The following N4BP1 variants were observed in gnomAD, a reference collection of about 807,000 sequenced individuals.
N4BP1 encodes the protein NEDD4-binding protein 1.
A neutral mutation model predicts 70.9 loss-of-function variants in N4BP1; 21 were observed. That is an observed-to-expected ratio of 0.30 (90% confidence interval 0.21 to 0.43). The LOEUF (loss-of-function observed/expected upper bound fraction) is 0.43, where lower values mean the gene tolerates loss of function less well. Ranked by LOEUF, N4BP1 falls within the 20% of genes least tolerant of loss-of-function variation. The probability of loss-of-function intolerance (pLI) is 1.00; values close to 1 mark genes in which losing one functional copy is unlikely to be tolerated. For missense variants in N4BP1, 936 were observed against 1,069.4 expected (o/e 0.88, Z 1.74); for synonymous variants, 387 against 394.6 (o/e 0.98, Z 0.23).
chr16:48,603,236 T>A (rs1039337728), intron 1 of N4BP1, among the ~76,000 whole-genome samples: 4 of 152,204 alleles, frequency 2.6e-5, no homozygotes, highest in African/African-American at 9.7e-5. Flanking sequence ...AAAAATGGAC[T>A]GGGTGGTAGC....
At chr16:48,603,778 T>C (rs182458296) in intron 1 of N4BP1, 23 of 152,256 alleles carry the variant, frequency 1.5e-4, no homozygotes, top group African/African-American at 5.1e-4. Flanking sequence ...AATACTTAAC[T>C]TCCCTGTGTA....
chr16:48,564,603 CCT>C (rs1259552450), intron 1 of N4BP1, among the ~76,000 whole-genome samples: 9 of 152,124 alleles, frequency 5.9e-5, no homozygotes, highest in African/African-American at 2.2e-4. Context: ...TGATTTGCTC[CCT>C]CTTTATAATT....
At chr16:48,588,355 C>T (rs1964279709) in intron 1 of N4BP1, among the ~76,000 whole-genome samples, 1 of 148,544 alleles carries the variant, frequency 6.7e-6, no homozygotes, top group Non-Finnish European at 1.5e-5. Flanking sequence ...GGTGCAATGG[C>T]AGGATCTTGG....
Position 48,542,185 on chromosome 16 carries a change from C to G in N4BP1, c.*719G>C, listed in dbSNP as rs533962968. On this transcript the variant is annotated 3_prime_UTR_variant, in exon 7 of 7. Coordinates refer to ENST00000262384, the MANE Select transcript of N4BP1 (RefSeq NM_153029.4). Reference sequence around the variant, plus strand: ...GGCTGTGGCTGTGGGCATGGCCGGACGGCGTGCACACTGGGCCGTCCCCTT... The same window carrying G: ...GGCTGTGGCTGTGGGCATGGCCGGAGGGCGTGCACACTGGGCCGTCCCCTT... The G allele has an allele frequency of 6.6e-6, 1 of 152,216 alleles. No homozygotes were observed. The highest frequency in any genetic ancestry group is 1.5e-5 in the Non-Finnish European group (1 of 68,078). 9.4% of individuals were successfully genotyped at this position (152,216 alleles called of 1,614,324 possible).
intron 1 of N4BP1, among the ~76,000 whole-genome samples, chr16:48,585,211 G>A (rs1475741481): frequency 6.6e-6 from 1 of 151,988 alleles, no homozygotes; most frequent in African/African-American, 2.4e-5. Flanking sequence ...AGGATTACAG[G>A]CGTGAGTCAC....
Position 48,541,646 on chromosome 16 carries a change from G to A in N4BP1, c.*1258C>T, listed in dbSNP as rs1442014093. ...ACAGGCAGCAAGCCGACTGTGAGCA[G>A]CCTGGGGGCGCAGGTGTAAAATACA... On this transcript the variant is annotated 3_prime_UTR_variant, in exon 7 of 7. Transcript: ENST00000262384. 1 of 152,368 alleles carries A rather than the reference G, an allele frequency of 6.6e-6. No homozygotes were observed. The highest frequency in any genetic ancestry group is 1.5e-5 in the Non-Finnish European group (1 of 68,134). 9.4% of individuals were successfully genotyped at this position (152,368 alleles called of 1,614,324 possible).
intron 1 of N4BP1, among the ~76,000 whole-genome samples, chr16:48,595,555 A>G (rs867313149): frequency 6.6e-6 from 1 of 151,976 alleles, no homozygotes; most frequent in East Asian, 1.9e-4. Context: ...CAAAATTTGA[A>G]GCATATTTGT....
intron 1 of N4BP1, among the ~76,000 whole-genome samples, chr16:48,602,730 C>T (rs747798364): frequency 1.3e-4 from 20 of 152,050 alleles, no homozygotes; most frequent in Non-Finnish European, 2.6e-4. Context: ...ATGAACAAAT[C>T]AATTGTTCAA....
At chr16:48,586,765 A>C (rs1013420626) in intron 1 of N4BP1, among the ~76,000 whole-genome samples, 1 of 152,218 alleles carries the variant, frequency 6.6e-6, no homozygotes, top group Non-Finnish European at 1.5e-5. Flanking sequence ...ATTTCTTTGG[A>C]GTATTCTGTG....
Position 48,544,079 on chromosome 16 carries a change from A to G in N4BP1, c.2334-818T>C, listed in dbSNP as rs533317658. Among the ~76,000 whole-genome samples, 5 of 152,340 alleles carry G rather than the reference A, an allele frequency of 3.3e-5. No homozygotes were observed. The East Asian group carries it at 9.7e-4, about 29-fold the overall frequency. ...GACACAGGCCTCGGGCCTGAAGCCC[A>G]GCAGGGGATTTCCAAGTTCAGATGT... is the stretch of plus-strand genomic sequence containing the variant. On this transcript the variant is annotated intron_variant, in intron 6 of 6. Coordinates refer to ENST00000262384, the MANE Select transcript of N4BP1 (RefSeq NM_153029.4).
At chr16:48,603,088 G>C (rs984267055) in intron 1 of N4BP1, among the ~76,000 whole-genome samples, 1 of 152,116 alleles carries the variant, frequency 6.6e-6, no homozygotes, top group African/African-American at 2.4e-5. Context: ...TGAACCCTCT[G>C]AAGTCAGTAC....
At position 48,584,534 on chromosome 16, in the gene N4BP1, T is replaced by C. The variant is rs150630643; in HGVS notation, c.199-22090A>G. On this transcript the variant is annotated intron_variant, in intron 1 of 6. Transcript: ENST00000262384. ...ATAATTACAAGAACTTCCTTAACTC[T>C]ATCTATATTTCTAGAATTCCTCCAA... 3.9e-5 allele frequency among the ~76,000 whole-genome samples: 6 copies of C among 152,320 alleles called. No homozygotes were observed. The East Asian group carries it at 9.6e-4, about 24-fold the overall frequency.
rs1964660594 is a variant in N4BP1 at position 48,610,006 on chromosome 16, C to A, written c.-34G>T. ...CGGCCTCCCGCGGCGGCGCCGGGGG[C>A]CGGCGGCGGCGACGCCCCCTCAGCT... On this transcript the variant is annotated 5_prime_UTR_variant, in exon 1 of 7. Transcript: ENST00000262384. The A allele has an allele frequency of 9.0e-7, 1 of 1,111,488 alleles. No homozygotes were observed. Among genetic ancestry groups the A allele is most frequent in the Non-Finnish European group, 1.1e-6 (1 of 909,332 alleles). The allele number at this position is 1,111,488 out of a possible 1,614,324, so 68.9% of individuals were successfully genotyped here.
chr16:48,561,049 G>A lies in N4BP1; in HGVS notation c.1594C>T (p.Pro532Ser), dbSNP rs768074629. The change falls in exon 2 of 7, where the codon CCC becomes TCC. Residue 532 changes from proline (P) to serine (S), a missense_variant. Physicochemically the swap from Pro to Ser is moderately conservative, Grantham distance 74. Transcript: ENST00000262384. ...PENGLHQQPE[P>S]LLPNNMKSAC... ...GATTTCATATTATTTGGAAGCAAGG[G>A]TTCTGGCTGCTGGTGTAAACCATTT... 9.3e-6 allele frequency: 15 copies of A among 1,613,996 alleles called. No individual in the cohort carries two copies. Among genetic ancestry groups the A allele is most frequent in the Admixed American group, 1.7e-5 (1 of 60,018 alleles).
At chr16:48,580,995 G>A (rs1425312746) in intron 1 of N4BP1, among the ~76,000 whole-genome samples, 1 of 152,046 alleles carries the variant, frequency 6.6e-6, no homozygotes, top group East Asian at 1.9e-4. Context: ...ATATCCGTGA[G>A]AGATCCTGGA....
intron 1 of N4BP1, among the ~76,000 whole-genome samples, chr16:48,583,799 C>T (rs1221360609): frequency 6.6e-6 from 1 of 152,164 alleles, no homozygotes. Context: ...AATTTTTACA[C>T]TTTGGCAGTA....
intron 1 of N4BP1, among the ~76,000 whole-genome samples, chr16:48,569,463 G>A (rs918174892): frequency 6.6e-6 from 1 of 152,146 alleles, no homozygotes; most frequent in African/African-American, 2.4e-5. Flanking sequence ...TGCCATCATA[G>A]CTCACTGCAG....
intron 1 of N4BP1, among the ~76,000 whole-genome samples, chr16:48,586,649 A>G (rs1964250009): frequency 6.6e-6 from 1 of 152,338 alleles, no homozygotes; most frequent in East Asian, 1.9e-4. Flanking sequence ...AGTAGTATGC[A>G]ACTCTGTTTT....
At chr16:48,586,150 G>A (rs1282376863) in intron 1 of N4BP1, among the ~76,000 whole-genome samples, 1 of 152,166 alleles carries the variant, frequency 6.6e-6, no homozygotes, top group Non-Finnish European at 1.5e-5. Context: ...GACAGACACA[G>A]AATTTTTCAC....
Sources: gnomAD v4.1 joint callset for allele counts (sites outside exome capture counted in the v4.1 genomes callset) on GRCh38, gnomAD v4.1.1 for gene constraint, MANE v1.5 for transcripts, NCBI Gene and HGNC (gene_info 2026-07-23, HGNC 2026-07-21) for gene names.